The following JMJD1C variants were observed in gnomAD, a reference collection of about 807,000 sequenced individuals.
JMJD1C encodes the protein jumonji domain containing 1C, also known as jumonji domain-containing protein 1C.
Under a neutral mutation model 245.3 loss-of-function variants are expected in JMJD1C, and 31 were observed. The ratio of observed to expected loss-of-function variants is 0.13; its 90% CI spans 0.09 to 0.17. The LOEUF (loss-of-function observed/expected upper bound fraction) is 0.17. JMJD1C is among the 10% of genes least tolerant of loss of function. The probability of loss-of-function intolerance (pLI) is 1.00; values close to 1 mark genes in which losing one functional copy is unlikely to be tolerated. For missense variants in JMJD1C, 2,691 were observed against 3,000.2 expected (o/e 0.90, Z 2.41); for synonymous variants, 1,057 against 1,017.4 (o/e 1.04, Z -0.74).
intron 1 of JMJD1C, among the ~76,000 whole-genome samples, chr10:63,500,401 C>T (rs12770482): frequency 0.21 from 30,344 of 145,894 alleles, 4,004 homozygotes; most frequent in Non-Finnish European, 0.3. Context: ...CCAGCCTGGG[C>T]AACAGGGTGA....
chr10:63,455,360 C>G (rs985827368), intron 1 of JMJD1C, among the ~76,000 whole-genome samples: 4 of 152,182 alleles, frequency 2.6e-5, no homozygotes, highest in Non-Finnish European at 5.9e-5. Flanking sequence ...TTAACCCTAT[C>G]CACTGGGACA....
At chr10:63,295,651 C>T (rs1252721602) in intron 2 of JMJD1C, among the ~76,000 whole-genome samples, 3 of 151,894 alleles carry the variant, frequency 2.0e-5, no homozygotes. Context: ...TTGTTAGAGA[C>T]AAAATTTTTT....
At chr10:63,265,884 T>C (rs1855510592) in intron 2 of JMJD1C, among the ~76,000 whole-genome samples, 1 of 152,110 alleles carries the variant, frequency 6.6e-6, no homozygotes, top group Non-Finnish European at 1.5e-5. Context: ...TTCCCCTTTC[T>C]CTTATTCTGT....
intron 2 of JMJD1C, among the ~76,000 whole-genome samples, chr10:63,328,553 C>G (rs573551339): frequency 1.9e-4 from 29 of 152,150 alleles, no homozygotes; most frequent in Non-Finnish European, 3.5e-4. Flanking sequence ...ATGGCTGTTT[C>G]ATATCAGAAG....
At chr10:63,303,143 A>G (rs982321680) in intron 2 of JMJD1C, among the ~76,000 whole-genome samples, 1 of 152,196 alleles carries the variant, frequency 6.6e-6, no homozygotes, top group Non-Finnish European at 1.5e-5. Flanking sequence ...AGTTTATTCA[A>G]TCACTCACTG....
chr10:63,261,116 A>G (rs1470500405), intron 3 of JMJD1C, among the ~76,000 whole-genome samples: 6 of 152,144 alleles, frequency 3.9e-5, no homozygotes, highest in African/African-American at 1.4e-4. Context: ...GGAGAAAGAC[A>G]CTTAACAATA....
intron 1 of JMJD1C, among the ~76,000 whole-genome samples, chr10:63,457,864 G>C (rs904170536): frequency 1.2e-4 from 18 of 152,206 alleles, no homozygotes; most frequent in Middle Eastern, 3.4e-3. Context: ...TCAGTTTTTC[G>C]TAAGTCAGCA....
chr10:63,396,023 A>T (rs1459265436), intron 1 of JMJD1C, among the ~76,000 whole-genome samples: 2 of 152,196 alleles, frequency 1.3e-5, no homozygotes, highest in Admixed American at 1.3e-4. Context: ...TGGTTACAAG[A>T]CTGCATTTGT....
intron 20 of JMJD1C, 34 bp downstream of exon 20, chr10:63,185,528 CA>C: frequency 8.0e-7 from 1 of 1,248,928 alleles, no homozygotes; most frequent in Non-Finnish European, 1.2e-6. Context: ...AGCTCGATCT[CA>C]AAAAGTCAAG....
chr10:63,355,471 T>A (rs1944755008), intron 2 of JMJD1C, among the ~76,000 whole-genome samples: 1 of 152,226 alleles, frequency 6.6e-6, no homozygotes, highest in African/African-American at 2.4e-5. Context: ...CAGAGAATTG[T>A]TCCATCATCA....
chr10:63,405,999 T>G (rs1206933181), intron 1 of JMJD1C, among the ~76,000 whole-genome samples: 4 of 152,112 alleles, frequency 2.6e-5, no homozygotes, highest in Non-Finnish European at 1.5e-5. Flanking sequence ...ATTTTATAAG[T>G]AATACAAAGG....
intron 16 of JMJD1C, among the ~76,000 whole-genome samples, chr10:63,191,625 C>T (rs569233331): frequency 3.9e-4 from 59 of 152,070 alleles, no homozygotes; most frequent in Non-Finnish European, 7.6e-4. Flanking sequence ...AAAGGCCTTC[C>T]TCAATATTTA....
chr10:63,171,595 TA>T (rs761380702), intron 24 of JMJD1C, among the ~76,000 whole-genome samples: 7 of 152,220 alleles, frequency 4.6e-5, no homozygotes, highest in Non-Finnish European at 8.8e-5. Flanking sequence ...ATGAGATTCC[TA>T]TTTGTGTGGT....
intron 25 of JMJD1C, 79 bp downstream of exon 25, chr10:63,168,356 T>G (rs1193997491): frequency 7.0e-7 from 1 of 1,423,314 alleles, no homozygotes; most frequent in Non-Finnish European, 9.5e-7. Flanking sequence ...AGGCAATGAC[T>G]GCCTAAGCTG....
chr10:63,440,367 GA>G (rs1951311124), intron 1 of JMJD1C, among the ~76,000 whole-genome samples: 1 of 115,908 alleles, frequency 8.6e-6, no homozygotes. Flanking sequence ...TATATATATA[GA>G]GAGAGAGAGA....
intron 2 of JMJD1C, among the ~76,000 whole-genome samples, chr10:63,371,318 G>A (rs1201919871): frequency 6.6e-6 from 1 of 152,032 alleles, no homozygotes; most frequent in Non-Finnish European, 1.5e-5. Context: ...TAGTGCTGAT[G>A]TAATTAATTT....
At chr10:63,396,299 T>C (rs1948481654) in intron 1 of JMJD1C, among the ~76,000 whole-genome samples, 1 of 152,146 alleles carries the variant, frequency 6.6e-6, no homozygotes, top group African/African-American at 2.4e-5. Context: ...CCTAACACAC[T>C]GTGGGCCGAA....
chr10:63,454,254 T>C (rs1189245390), intron 1 of JMJD1C, among the ~76,000 whole-genome samples: 2 of 116,242 alleles, frequency 1.7e-5, no homozygotes, highest in Non-Finnish European at 3.6e-5. Flanking sequence ...AAAGGAGAAA[T>C]TGATTTTTTT....
Position 63,369,833 on chromosome 10 carries a change from C to A in JMJD1C, c.333+10485G>T, listed in dbSNP as rs144546198. Among the ~76,000 whole-genome samples, 55 of 152,276 alleles carry A rather than the reference C, an allele frequency of 3.6e-4. 1 individual carries two copies. Among genetic ancestry groups the A allele is most frequent in the African/African-American group, 1.2e-3 (48 of 41,554 alleles). On this transcript the variant is annotated intron_variant, in intron 2 of 25. Coordinates refer to ENST00000399262, the MANE Select transcript of JMJD1C (RefSeq NM_032776.3). ...TAGAATATCTTGCTTCTTAGGAGTA[C>A]CTGCTTGATAGGAGTGTTTTTGTTT...
Sources: allele counts gnomAD v4.1 joint callset (sites outside exome capture counted in the v4.1 genomes callset), GRCh38; gene constraint gnomAD v4.1.1; transcripts MANE v1.5; gene names NCBI Gene and HGNC (gene_info 2026-07-23, HGNC 2026-07-21).